BPNT1: variants seen among roughly 807,000 people sequenced by gnomAD.
BPNT1 encodes the protein 3'(2'), 5'-bisphosphate nucleotidase 1.
A neutral mutation model predicts 36.9 loss-of-function variants in BPNT1; 28 were observed. That is an observed-to-expected ratio of 0.76 (90% CI 0.56 to 1.04). BPNT1 has a LOEUF of 1.04. Ranked by LOEUF, BPNT1 falls within the 50% of genes least tolerant of loss-of-function variation. The pLI is 0.00. For synonymous variants in BPNT1, 119 were observed against 130.9 expected (o/e 0.91, Z 0.62); for missense variants, 313 against 372.9 (o/e 0.84, Z 1.32).
chr1:220,063,041 C>A, intron 6 of BPNT1, 87 bp from the exon 7 acceptor site: 1 of 1,416,534 alleles, frequency 7.1e-7, no homozygotes, highest in South Asian at 1.2e-5. Context: ...ATATTAGCAT[C>A]ATGATTTAAA....
intron 4 of BPNT1, 65 bp downstream of exon 4, chr1:220,072,785 T>C (rs1664184367): frequency 7.6e-7 from 1 of 1,324,212 alleles, no homozygotes; most frequent in African/African-American, 1.5e-5. Context: ...CATGCAAATA[T>C]TATTTCCTTT....
At chr1:220,083,364 G>T (rs1052118845) in intron 1 of BPNT1, among the ~76,000 whole-genome samples, 1 of 148,432 alleles carries the variant, frequency 6.7e-6, no homozygotes, top group Non-Finnish European at 1.5e-5. Flanking sequence ...TCGCTCTATC[G>T]CCCAGGCTGG....
Position 220,058,916 on chromosome 1 carries a change from C to G in BPNT1, c.855G>C (p.Leu285=), listed in dbSNP as rs1453383024. The G allele has an allele frequency of 3.1e-6, 5 of 1,613,812 alleles. No individual in the cohort carries two copies. The highest frequency in any genetic ancestry group is 4.2e-6 in the Non-Finnish European group (5 of 1,179,856). The change falls in exon 9 of 9, where the codon CTG becomes CTC. Residue 285 remains leucine, a synonymous_variant. Coordinates refer to ENST00000322067, the MANE Select transcript of BPNT1 (RefSeq NM_006085.6). Reference sequence around the variant, plus strand: ...AGTAGTCATAATTCCTCAGTGTGGCCAGGACTCCTGCAGAGTTCATATGCT... The same window carrying G: ...AGTAGTCATAATTCCTCAGTGTGGCGAGGACTCCTGCAGAGTTCATATGCT... ...DVKHMNSAGV[L]ATLRNYDYYA... is the part of the protein sequence containing the mutation.
At chr1:220,087,873 T>C in intron 1 of BPNT1, among the ~76,000 whole-genome samples, 1 of 152,128 alleles carries the variant, frequency 6.6e-6, no homozygotes. Context: ...TTTAATTAAT[T>C]AATTAATTTA....
intron 1 of BPNT1, among the ~76,000 whole-genome samples, chr1:220,086,353 T>G (rs1352322261): frequency 6.6e-6 from 1 of 151,552 alleles, no homozygotes; most frequent in Non-Finnish European, 1.5e-5. Flanking sequence ...TCACTGCAAC[T>G]TCCGCCCCCT....
At position 220,058,234 on chromosome 1, in the gene BPNT1, G is replaced by T. The variant is rs56254322; in HGVS notation, c.*610C>A. ...AGGAATGTTCATTGAACATTGACCT[G>T]AACTGTCAATTGGAACTAAAGCTTT... On this transcript the variant is annotated 3_prime_UTR_variant, in exon 9 of 9. Transcript: ENST00000322067. 9.2e-3 allele frequency: 9,096 copies of T among 990,866 alleles called. 55 individuals are homozygous for T. The highest frequency in any genetic ancestry group is 0.047 in the Middle Eastern group (91 of 1,916). The allele number at this position is 990,866 out of a possible 1,614,324, so 61.4% of individuals were successfully genotyped here.
At chr1:220,069,348 A>G in intron 5 of BPNT1, 36 bp downstream of exon 5, 1 of 1,483,048 alleles carries the variant, frequency 6.7e-7, no homozygotes, top group East Asian at 2.3e-5. Flanking sequence ...TCCTTGTCCC[A>G]CTACTGTCAA....
intron 1 of BPNT1, among the ~76,000 whole-genome samples, chr1:220,086,645 G>A (rs1051690358): frequency 3.3e-5 from 5 of 151,526 alleles, no homozygotes; most frequent in Non-Finnish European, 4.4e-5. Flanking sequence ...GCGAGATCAC[G>A]GCTCACTGCA....
At chr1:220,078,336 T>C (rs1336598916) in intron 2 of BPNT1, among the ~76,000 whole-genome samples, 1 of 144,284 alleles carries the variant, frequency 6.9e-6, no homozygotes, top group Non-Finnish European at 1.5e-5. Flanking sequence ...ATATAATATA[T>C]AATTAATAAT....
intron 1 of BPNT1, among the ~76,000 whole-genome samples, chr1:220,080,921 G>A (rs576023049): frequency 6.6e-6 from 1 of 152,300 alleles, no homozygotes; most frequent in South Asian, 2.1e-4. Flanking sequence ...AGTCTCTAGC[G>A]CCAATGAAAT....
Position 220,082,373 on chromosome 1 carries a change from G to A in BPNT1, c.-8-2519C>T, listed in dbSNP as rs551336026. The stretch of plus-strand genomic sequence containing the variant: ...TTTTTGTATTTTTAGTAGAGACGGG[G>A]TTTCACCATGTTGGCCAGGCTGGTT... On this transcript the variant is annotated intron_variant, in intron 1 of 8. Transcript: ENST00000322067. Among the ~76,000 whole-genome samples, 51 of 151,566 alleles carry A rather than the reference G, an allele frequency of 3.4e-4. No homozygotes were observed. The South Asian group carries it at 0.011, about 32-fold the overall frequency.
At chr1:220,069,285 A>T in intron 5 of BPNT1, 99 bp downstream of exon 5, 2 of 918,502 alleles carry the variant, frequency 2.2e-6, no homozygotes, top group Non-Finnish European at 3.3e-6. Flanking sequence ...AACACATGAT[A>T]GTAGCTTTCC....
rs774637409 is a variant in BPNT1, at chr1:220,068,346, G to C, written c.383-953C>G. Among the ~76,000 whole-genome samples the C allele has an allele frequency of 3.9e-5, 6 of 152,082 alleles. No individual in the cohort carries two copies. The Middle Eastern group carries it at 0.01, about 259-fold the overall frequency. ...TTACAGACGTGTGCCACCAGGCCCA[G>C]CTAATTTTTGTATTTTTAGGAGAGA... On this transcript the variant is annotated intron_variant, in intron 5 of 8. Transcript: ENST00000322067.
chr1:220,067,354 T>A lies in BPNT1; in HGVS notation c.422A>T (p.Tyr141Phe). 6.2e-7 allele frequency: 1 copy of A among 1,610,640 alleles called. No homozygotes were observed. Among genetic ancestry groups the A allele is most frequent in the Non-Finnish European group, 8.5e-7 (1 of 1,178,054 alleles). Residue 141 changes from tyrosine to phenylalanine, a missense_variant, in exon 6 of 9, where the codon TAT (tyrosine) becomes TTT (phenylalanine). Transcript: ENST00000322067. ...DNVTVLIGIAYEGKAIAGVIN... is the reference protein window; with the variant it reads ...DNVTVLIGIAFEGKAIAGVIN... ...AACTCCTGCTATGGCTTTTCCTTCA[T>A]AAGCAATTCCAATAAGAACTGTTAC...
In BPNT1 at chr1:220,059,764, A is replaced by G. The variant is rs1334123320; in HGVS notation, c.700T>C (p.Ser234Pro). 6.2e-7 allele frequency: 1 copy of G among 1,608,522 alleles called. No individual in the cohort carries two copies. Among genetic ancestry groups the G allele is most frequent in the East Asian group, 2.2e-5 (1 of 44,570 alleles). ...CCAGGACTTGCAAATACATAAGCAG[A>G]GGCTTTGCCTTCAATCAGCTGAATA... ...KIIQLIEGKA[S>P]AYVFASPGCK... Residue 234 changes from serine to proline, a missense_variant, in exon 8 of 9, where the codon TCT becomes CCT. Ser to Pro is a moderately conservative substitution (Grantham distance 74). Transcript: ENST00000322067.
intron 1 of BPNT1, among the ~76,000 whole-genome samples, chr1:220,085,450 C>T (rs546743942): frequency 6.6e-6 from 1 of 152,310 alleles, no homozygotes; most frequent in South Asian, 2.1e-4. Flanking sequence ...CTTAAATTCT[C>T]TGTGCCCCAA....
chr1:220,071,466 G>GTATT (rs945318503), intron 4 of BPNT1, among the ~76,000 whole-genome samples: 36 of 152,000 alleles, frequency 2.4e-4, no homozygotes, highest in Non-Finnish European at 4.3e-4. Flanking sequence ...CTTCCTAAAA[G>GTATT]TATTTATTTA....
Position 220,062,040 on chromosome 1 carries a change from A to T in BPNT1, c.672+717T>A, listed in dbSNP as rs571639624. Among the ~76,000 whole-genome samples the T allele has an allele frequency of 3.1e-3, 427 of 137,418 alleles. 1 individual carries two copies. Among genetic ancestry groups the T allele is most frequent in the Non-Finnish European group, 4.7e-3 (297 of 62,962 alleles). The allele number at this position is 137,418 out of a possible 152,430, so 90.2% of individuals were successfully genotyped here. ...TCATTAACATTGAACTCTCTCAGAT[A>T]AAAAAAAAAAAAACTTGATTCTTAA... On this transcript the variant is annotated intron_variant, in intron 7 of 8. Transcript: ENST00000322067.
At chr1:220,087,513 T>C (rs1055144405) in intron 1 of BPNT1, among the ~76,000 whole-genome samples, 13 of 151,958 alleles carry the variant, frequency 8.6e-5, no homozygotes, top group African/African-American at 2.2e-4. Context: ...TGAGATCATT[T>C]GCACCATTGC....
Sources: allele counts gnomAD v4.1 joint callset (sites outside exome capture counted in the v4.1 genomes callset), GRCh38; gene constraint gnomAD v4.1.1; transcripts MANE v1.5; gene names NCBI Gene and HGNC (gene_info 2026-07-23, HGNC 2026-07-21).